RASGRF2: variants seen among roughly 807,000 people sequenced by gnomAD.
RASGRF2 encodes the protein ras-specific guanine nucleotide-releasing factor 2.
In RASGRF2, 76 loss-of-function variants were observed where a neutral mutation model predicts 151.0. That is an observed-to-expected ratio of 0.50 (90% CI 0.42 to 0.61). RASGRF2 has a LOEUF of 0.61. Ranked by LOEUF, RASGRF2 falls within the 20% of genes least tolerant of loss-of-function variation. RASGRF2 has a pLI of 0.00. For synonymous variants in RASGRF2, 504 were observed against 566.5 expected (o/e 0.89, Z 1.57); for missense variants, 1,148 against 1,564.6 (o/e 0.73, Z 4.49).
chr5:81,134,360 G>C (rs1175785834), intron 17 of RASGRF2, among the ~76,000 whole-genome samples: 1 of 147,128 alleles, frequency 6.8e-6, no homozygotes, highest in South Asian at 2.2e-4. Context: ...AGGTGGGCTG[G>C]ATGTGAGGAG....
intron 1 of RASGRF2, among the ~76,000 whole-genome samples, chr5:80,981,151 C>G (rs1464852915): frequency 6.6e-6 from 1 of 152,204 alleles, no homozygotes; most frequent in Admixed American, 6.5e-5. Context: ...TGAAAACCTT[C>G]CATTTCATTA....
rs560298739 is a variant in RASGRF2, at chr5:81,185,789, C to T, written c.2793+5508C>T. Among the ~76,000 whole-genome samples, 22 of 152,300 alleles carry T rather than the reference C, an allele frequency of 1.4e-4. No homozygotes were observed. In the South Asian group the frequency reaches 4.1e-3, roughly 29 times the overall value. The stretch of plus-strand genomic sequence containing the variant: ...AGGCCACTAGGATGGAAGCAGCCCA[C>T]GCCAGGGCTAGAGGGAGGCTGGACT... On this transcript the variant is annotated intron_variant, in intron 18 of 26. Coordinates refer to ENST00000265080, the MANE Select transcript of RASGRF2 (RefSeq NM_006909.3).
chr5:81,191,297 C>T (rs1175745206), intron 18 of RASGRF2, among the ~76,000 whole-genome samples: 1 of 152,136 alleles, frequency 6.6e-6, no homozygotes, highest in African/African-American at 2.4e-5. Context: ...TAACTTATAG[C>T]TCCCAATCTC....
At chr5:81,107,005 G>C (rs563049837) in intron 12 of RASGRF2, among the ~76,000 whole-genome samples, 2 of 152,240 alleles carry the variant, frequency 1.3e-5, no homozygotes, top group Admixed American at 1.3e-4. Context: ...ACAGGGTTGT[G>C]TGTTTGGAAT....
intron 21 of RASGRF2, 75 bp downstream of exon 21, chr5:81,207,424 G>C (rs1216582733): frequency 7.6e-7 from 1 of 1,311,548 alleles, no homozygotes; most frequent in African/African-American, 1.5e-5. Context: ...TCCTAAGGCA[G>C]GTTGTGTGTA....
Position 81,192,568 on chromosome 5 carries a change from G to A in RASGRF2, c.2794-8762G>A, listed in dbSNP as rs547069005. Reference sequence around the variant, plus strand: ...CGCAGGCAGGCCAGCGGTGGTGGCCGGTGAGCAAGGCGAGCGGGTCCCCTG... The same window carrying A: ...CGCAGGCAGGCCAGCGGTGGTGGCCAGTGAGCAAGGCGAGCGGGTCCCCTG... On this transcript the variant is annotated intron_variant, in intron 18 of 26. Transcript: ENST00000265080. Among the ~76,000 whole-genome samples the A allele has an allele frequency of 8.4e-4, 128 of 152,320 alleles. 2 individuals carry two copies. The highest frequency in any genetic ancestry group is 1.8e-4 in the Non-Finnish European group (12 of 68,024).
rs1754883306 is a variant in RASGRF2, at chr5:81,180,235, A to G, written c.2747A>G (p.Asn916Ser). 1 of 1,613,240 alleles carries G rather than the reference A, an allele frequency of 6.2e-7. No individual in the cohort carries two copies. Among genetic ancestry groups the G allele is most frequent in the Non-Finnish European group, 8.5e-7 (1 of 1,179,400 alleles). ...KEFIIRRTAT[N>S]RVLNVLRHWV... is the part of the protein sequence containing the mutation. ...TTTATTATACGGAGAACGGCTACCA[A>G]TCGAGTTCTGAACGTCCTCCGTCAC... The change falls in exon 18 of 27, where the codon AAT becomes AGT. Residue 916 changes from asparagine to serine, a missense_variant. Asn to Ser is a conservative substitution (Grantham distance 46). Around this residue, in one of 5 missense-constraint regions of RASGRF2, gnomAD observed 646 missense variants for 807.4 expected, o/e 0.80. Coordinates refer to ENST00000265080, the MANE Select transcript of RASGRF2 (RefSeq NM_006909.3).
chr5:81,080,574 C>T lies in RASGRF2; in HGVS notation c.968-22C>T, dbSNP rs376212874. 253 of 1,596,234 alleles carry T rather than the reference C, an allele frequency of 1.6e-4. 2 individuals are homozygous for T. The highest frequency in any genetic ancestry group is 8.3e-4 in the Middle Eastern group (5 of 6,028). ...TTTACCAAGCAACAAGGGAAACAGC[C>T]GTGTTTACTGTTTCTTTGCAGCTGA... On this transcript the variant is annotated intron_variant, in intron 6 of 26. Coordinates refer to ENST00000265080, the MANE Select transcript of RASGRF2 (RefSeq NM_006909.3).
At chr5:81,004,815 G>A (rs1749211196) in intron 1 of RASGRF2, among the ~76,000 whole-genome samples, 1 of 152,168 alleles carries the variant, frequency 6.6e-6, no homozygotes, top group Admixed American at 6.5e-5. Flanking sequence ...AGGTACAGAT[G>A]CCCTGATTGA....
chr5:81,019,768 A>G (rs1234299606), intron 1 of RASGRF2, among the ~76,000 whole-genome samples: 2 of 152,234 alleles, frequency 1.3e-5, no homozygotes, highest in Non-Finnish European at 2.9e-5. Flanking sequence ...CTATAGATAT[A>G]TGGGCAATAT....
In RASGRF2 at chr5:80,960,863, A is replaced by T; in HGVS notation, c.125A>T (p.Lys42Met). 1 of 1,613,678 alleles carries T rather than the reference A, an allele frequency of 6.2e-7. No homozygotes were observed. Among genetic ancestry groups the T allele is most frequent in the Non-Finnish European group, 8.5e-7 (1 of 1,179,726 alleles). ...GCCGAGGCGAGCCGCTGGCACGAGA[A>T]GTGGTTCGCCCTCTACCAGAATGTG... is the stretch of plus-strand genomic sequence containing the variant. ...KTAEASRWHE[K>M]WFALYQNVLF... The change falls in exon 1 of 27, where the codon AAG becomes ATG. Residue 42 changes from lysine to methionine, a missense_variant. Transcript: ENST00000265080. This position sits in a 1 kb window ranked among gnomAD's most constrained non-coding sequence, Gnocchi z 5.5.
chr5:81,209,695 G>C (rs1044651624), intron 22 of RASGRF2, among the ~76,000 whole-genome samples: 22 of 152,144 alleles, frequency 1.4e-4, no homozygotes, highest in African/African-American at 5.1e-4. Context: ...TGTTACCTGT[G>C]GTGAACCAAC....
intron 2 of RASGRF2, among the ~76,000 whole-genome samples, 187 bp from the exon 3 acceptor site, chr5:81,067,845 A>T (rs1751653141): frequency 6.6e-6 from 1 of 152,218 alleles, no homozygotes; most frequent in African/African-American, 2.4e-5. Context: ...ATGTAAAATG[A>T]TTATTTAAAT....
rs561420476 is a variant in RASGRF2, at chr5:81,020,876, A to G, written c.289-22001A>G. 4.6e-5 allele frequency among the ~76,000 whole-genome samples: 7 copies of G among 152,340 alleles called. No individual in the cohort carries two copies. In the South Asian group the frequency reaches 1.5e-3, roughly 32 times the overall value. On this transcript the variant is annotated intron_variant, in intron 1 of 26. Coordinates refer to ENST00000265080, the MANE Select transcript of RASGRF2 (RefSeq NM_006909.3). Reference sequence around the variant, plus strand: ...GATGTCAGCTGCACTCAGTCCTACGAGGTACTTAGCATTGTCCTCATTTTG... The same window carrying G: ...GATGTCAGCTGCACTCAGTCCTACGGGGTACTTAGCATTGTCCTCATTTTG...
chr5:80,998,704 C>G (rs1269701872), intron 1 of RASGRF2, among the ~76,000 whole-genome samples: 1 of 152,130 alleles, frequency 6.6e-6, no homozygotes, highest in Admixed American at 6.6e-5. Context: ...CGTTCTACAC[C>G]CACGCTCCAC....
chr5:80,976,302 A>G (rs552488271), intron 1 of RASGRF2, among the ~76,000 whole-genome samples: 30 of 152,200 alleles, frequency 2.0e-4, no homozygotes, highest in Non-Finnish European at 4.3e-4. Flanking sequence ...TTTAATCCTC[A>G]CAACCACCTT....
At chr5:81,091,842 G>T (rs969635313) in intron 9 of RASGRF2, among the ~76,000 whole-genome samples, 1 of 152,150 alleles carries the variant, frequency 6.6e-6, no homozygotes, top group Non-Finnish European at 1.5e-5. Context: ...TCAAGGGTTG[G>T]ATATGCACTT....
chr5:80,988,818 A>G (rs1748556914), intron 1 of RASGRF2, among the ~76,000 whole-genome samples: 2 of 152,234 alleles, frequency 1.3e-5, no homozygotes, highest in African/African-American at 4.8e-5. Flanking sequence ...AATAGCCATT[A>G]TGTATAGTTT....
intron 17 of RASGRF2, among the ~76,000 whole-genome samples, chr5:81,148,827 T>C (rs1202498907): frequency 6.7e-6 from 1 of 149,156 alleles, no homozygotes; most frequent in Admixed American, 6.7e-5. Context: ...AGTATAATAA[T>C]AATAAAATAA....
Sources: gnomAD v4.1 joint callset for allele counts (sites outside exome capture counted in the v4.1 genomes callset) on GRCh38, gnomAD v4.1.1 for gene constraint, gnomAD v4.1.1 regional missense constraint, Gnocchi (gnomAD v3.1) non-coding constraint, MANE v1.5 for transcripts, NCBI Gene and HGNC (gene_info 2026-07-23, HGNC 2026-07-21) for gene names.